The following TIAM2 variants were observed in gnomAD, a reference collection of about 807,000 sequenced individuals.
TIAM2 encodes the protein rho guanine nucleotide exchange factor TIAM2.
In TIAM2, 80 loss-of-function variants were observed where a neutral mutation model predicts 152.9. The observed-to-expected ratio is 0.52, with a 90% CI of 0.44 to 0.63. TIAM2 has a LOEUF of 0.63. Among genes scored for constraint, TIAM2 ranks in the 30% least tolerant of loss-of-function variants. The pLI, the probability that TIAM2 is intolerant of heterozygous loss-of-function variation, is 0.00. For missense variants in TIAM2, 1,965 were observed against 2,120.1 expected, an observed-to-expected ratio of 0.93 and a Z score of 1.44; for synonymous variants, 804 against 838.0, an observed-to-expected ratio of 0.96 and a Z score of 0.70.
intron 1 of TIAM2, among the ~76,000 whole-genome samples, chr6:155,046,173 G>A (rs553865024): frequency 7.9e-5 from 12 of 151,938 alleles, no homozygotes; most frequent in Non-Finnish European, 1.3e-4. Flanking sequence ...GATTTTATCT[G>A]CCCTCTCTTT....
chr6:155,012,518 C>T (rs375026202), intron 1 of TIAM2, among the ~76,000 whole-genome samples: 61 of 152,080 alleles, frequency 4.0e-4, no homozygotes, highest in African/African-American at 1.4e-3. Flanking sequence ...AATCACAGGG[C>T]AATTTCTGAT....
chr6:155,121,699 A>T (rs1204027497), intron 2 of TIAM2, among the ~76,000 whole-genome samples: 3 of 152,146 alleles, frequency 2.0e-5, no homozygotes, highest in Non-Finnish European at 4.4e-5. Context: ...TGGGACTAGG[A>T]TGAGGGTCCT....
chr6:155,103,443 G>A (rs1346975961), intron 2 of TIAM2, among the ~76,000 whole-genome samples: 1 of 152,130 alleles, frequency 6.6e-6, no homozygotes, highest in Admixed American at 6.5e-5. Context: ...GGAATTAGTG[G>A]CCGGGCGCGG....
chr6:155,056,141 T>TTCTAATGGA (rs1207324052), intron 1 of TIAM2, among the ~76,000 whole-genome samples: 1 of 151,596 alleles, frequency 6.6e-6, no homozygotes, highest in Admixed American at 6.6e-5. Flanking sequence ...GTCTAATTGG[T>TTCTAATGGA]TCTAATGGAT....
At chr6:155,103,799 T>C (rs551881781) in intron 2 of TIAM2, among the ~76,000 whole-genome samples, 20 of 151,504 alleles carry the variant, frequency 1.3e-4, no homozygotes, top group Admixed American at 7.2e-4. Flanking sequence ...GTTCTTCTGA[T>C]CTTTTTTTTG....
intron 15 of TIAM2, among the ~76,000 whole-genome samples, chr6:155,228,456 C>T (rs1583265023): frequency 1.3e-5 from 2 of 152,112 alleles, no homozygotes; most frequent in South Asian, 4.1e-4. Context: ...CACTGAAGAC[C>T]TTTCCTGGCT....
chr6:155,233,610 C>T (rs1377137854), intron 15 of TIAM2, among the ~76,000 whole-genome samples: 3 of 152,168 alleles, frequency 2.0e-5, no homozygotes, highest in Non-Finnish European at 2.9e-5. Context: ...GAGTGGGATG[C>T]TCCTCATCTA....
rs1424957798 is a variant in TIAM2 at position 155,029,495 on chromosome 6, TATTATATATA to T, written c.-209+34006_-209+34015del. On this transcript the variant is annotated intron_variant, in intron 1 of 26. Coordinates refer to ENST00000682666, the MANE Select transcript of TIAM2 (RefSeq NM_012454.4). ...ACTATAGTATATATACTATAGTATA[TATTATATATA>T]ATATATACTATATATTATAGTATAG... 4.5e-4 allele frequency among the ~76,000 whole-genome samples: 11 copies of T among 24,270 alleles called. 2 individuals carry two copies. Among genetic ancestry groups the T allele is most frequent in the Admixed American group, 1.5e-3 (2 of 1,308 alleles). The allele number at this position is 24,270 out of a possible 152,430, so 15.9% of individuals were successfully genotyped here. A position where few individuals can be genotyped will look rare whatever the true frequency, so the allele number is the denominator to read the frequency against.
rs565174041 is a variant in TIAM2 at position 155,212,665 on chromosome 6, C to T, written c.3168+1358C>T. Among the ~76,000 whole-genome samples the T allele has an allele frequency of 2.0e-5, 3 of 150,346 alleles. No individual in the cohort carries two copies. In the East Asian group the frequency reaches 5.9e-4, roughly 30 times the overall value. On this transcript the variant is annotated intron_variant, in intron 15 of 26. Transcript: ENST00000682666. ...CTCTGTGGCCAAGGGTGCTTTTGCC[C>T]AAGTTTTGCTCGGGCCCACTAGGCC...
chr6:155,191,248 C>T (rs1781196979), intron 14 of TIAM2, among the ~76,000 whole-genome samples: 1 of 152,138 alleles, frequency 6.6e-6, no homozygotes, highest in African/African-American at 2.4e-5. Flanking sequence ...AGCTGTGTGA[C>T]CTTGGACAAG....
chr6:155,194,714 G>A (rs1781294509), intron 14 of TIAM2, among the ~76,000 whole-genome samples: 1 of 152,198 alleles, frequency 6.6e-6, no homozygotes, highest in Admixed American at 6.5e-5. Context: ...CAGAATATGA[G>A]AAAGAAGAAA....
chr6:155,185,979 G>C (rs542557736), intron 14 of TIAM2, among the ~76,000 whole-genome samples: 16 of 152,324 alleles, frequency 1.1e-4, no homozygotes, highest in South Asian at 1.0e-3. Context: ...AGGTAGTTGC[G>C]TTGCTTGTGA....
chr6:155,222,768 CCTGT>C (rs1387375903), intron 15 of TIAM2, among the ~76,000 whole-genome samples: 2 of 152,076 alleles, frequency 1.3e-5, no homozygotes, highest in Admixed American at 6.5e-5. Flanking sequence ...GATGTCTCTC[CCTGT>C]CTGTCTTTCT....
chr6:155,158,529 AG>A (rs1299544149), intron 7 of TIAM2, among the ~76,000 whole-genome samples: 2 of 151,994 alleles, frequency 1.3e-5, no homozygotes, highest in African/African-American at 4.8e-5. Context: ...AAGAAACAAA[AG>A]CTCAATCTAT....
At chr6:155,162,712 AGGC>A (rs1780303525) in intron 7 of TIAM2, among the ~76,000 whole-genome samples, 1 of 152,230 alleles carries the variant, frequency 6.6e-6, no homozygotes, top group African/African-American at 2.4e-5. Flanking sequence ...TAAAATCTTC[AGGC>A]GTAGGACCTG....
At chr6:155,015,239 G>GGTA (rs1778552863) in intron 1 of TIAM2, among the ~76,000 whole-genome samples, 1 of 152,110 alleles carries the variant, frequency 6.6e-6, no homozygotes, top group Non-Finnish European at 1.5e-5. Flanking sequence ...GTGTACCTGT[G>GGTA]GTAAGGATGA....
chr6:155,178,896 G>A (rs1272739388), intron 10 of TIAM2, 143 bp from the exon 11 acceptor site: 7 of 670,182 alleles, frequency 1.0e-5, no homozygotes, highest in Admixed American at 3.1e-5. Flanking sequence ...ATTTAAATTC[G>A]AGCTCTTATA....
At chr6:155,160,559 G>A (rs1431755195) in intron 7 of TIAM2, among the ~76,000 whole-genome samples, 1 of 152,052 alleles carries the variant, frequency 6.6e-6, no homozygotes, top group Admixed American at 6.6e-5. Context: ...TTGAACTCAG[G>A]AGTTTGAGAC....
intron 2 of TIAM2, among the ~76,000 whole-genome samples, chr6:155,112,345 G>C (rs942254381): frequency 6.6e-6 from 1 of 151,604 alleles, no homozygotes; most frequent in African/African-American, 2.4e-5. Context: ...GGCTGGTCTC[G>C]AACTCCTGAC....
Sources: gnomAD v4.1 joint callset for allele counts (sites outside exome capture counted in the v4.1 genomes callset) on GRCh38, gnomAD v4.1.1 for gene constraint, MANE v1.5 for transcripts, NCBI Gene and HGNC (gene_info 2026-07-23, HGNC 2026-07-21) for gene names.